The following EML5 variants were observed in gnomAD, a reference collection of about 807,000 sequenced individuals.
EML5 encodes the protein echinoderm microtubule-associated protein-like 5.
Under a neutral mutation model 250.0 loss-of-function variants are expected in EML5, and 120 were observed. The observed-to-expected ratio is 0.48, with a 90% CI of 0.41 to 0.56. The LOEUF (loss-of-function observed/expected upper bound fraction) is 0.56, where lower values mean the gene tolerates loss of function less well. Ranked by LOEUF, EML5 falls within the 20% of genes least tolerant of loss-of-function variation. The pLI is 0.00. For missense variants in EML5, 2,006 were observed against 2,437.6 expected, an observed-to-expected ratio of 0.82 and a Z score of 3.73; for synonymous variants, 771 against 806.5, an observed-to-expected ratio of 0.96 and a Z score of 0.75.
chr14:88,747,527 C>T lies in EML5; in HGVS notation c.358-1244G>A, dbSNP rs1014549527. Among the ~76,000 whole-genome samples the T allele has an allele frequency of 7.2e-5, 11 of 151,872 alleles. No homozygotes were observed. The East Asian group carries it at 9.7e-4, about 13-fold the overall frequency. On this transcript the variant is annotated intron_variant, in intron 2 of 43. Coordinates refer to ENST00000554922, the MANE Select transcript of EML5 (RefSeq NM_183387.3). ...GGCAAGTCACAACAAACAGCAAAGT[C>T]GGCCTTGCAAAAAACATCAGATATG...
chr14:88,689,550 C>T (rs1021625193), intron 17 of EML5, among the ~76,000 whole-genome samples: 1 of 151,978 alleles, frequency 6.6e-6, no homozygotes, highest in African/African-American at 2.4e-5. Context: ...CTCACAAATT[C>T]CTTCCTTCCT....
chr14:88,714,015 T>G (rs1289239474), intron 9 of EML5, among the ~76,000 whole-genome samples: 1 of 151,316 alleles, frequency 6.6e-6, no homozygotes, highest in Non-Finnish European at 1.5e-5. Flanking sequence ...TTTTTGTATT[T>G]TTAGTAAAGG....
chr14:88,699,518 G>T (rs2093160177), intron 14 of EML5, among the ~76,000 whole-genome samples: 1 of 152,030 alleles, frequency 6.6e-6, no homozygotes. Flanking sequence ...CAGCCTACAG[G>T]CTATTAACAC....
rs1055329694 is a variant in EML5 at position 88,615,035 on chromosome 14, C to G, written c.*783G>C. The G allele has an allele frequency of 1.3e-5, 2 of 152,212 alleles. No individual in the cohort carries two copies. Among genetic ancestry groups the G allele is most frequent in the Non-Finnish European group, 2.9e-5 (2 of 68,032 alleles). The allele number at this position is 152,212 out of a possible 1,614,324, so 9.4% of individuals were successfully genotyped here. On this transcript the variant is annotated 3_prime_UTR_variant, in exon 44 of 44. Coordinates refer to ENST00000554922, the MANE Select transcript of EML5 (RefSeq NM_183387.3). ...ATACTGTTGCTCCCTAAAACCCTTA[C>G]ATTGTACACCATTGGGAATGATTGT... is the stretch of plus-strand genomic sequence containing the variant.
At chr14:88,702,149 C>T (rs901939721) in intron 14 of EML5, among the ~76,000 whole-genome samples, 4 of 152,008 alleles carry the variant, frequency 2.6e-5, no homozygotes, top group Non-Finnish European at 5.9e-5. Context: ...GATTTCTAGT[C>T]TTTATGTTTT....
At chr14:88,665,223 A>T in intron 22 of EML5, 114 bp downstream of exon 22, 1 of 1,149,888 alleles carries the variant, frequency 8.7e-7, no homozygotes, top group Non-Finnish European at 1.2e-6. Context: ...TGCCTCTTCT[A>T]GTAAAAAAGT....
chr14:88,679,555 G>A (rs1055765446), intron 21 of EML5, among the ~76,000 whole-genome samples: 1 of 151,998 alleles, frequency 6.6e-6, no homozygotes, highest in East Asian at 1.9e-4. Flanking sequence ...AGCCAGCCGT[G>A]GTGGCGCACG....
At chr14:88,723,370 A>G (rs765707361) in intron 8 of EML5, among the ~76,000 whole-genome samples, 14 of 152,222 alleles carry the variant, frequency 9.2e-5, no homozygotes, top group Admixed American at 3.9e-4. Context: ...CAGATACTGC[A>G]TGATCTTGCT....
chr14:88,685,522 T>C (rs978336178), intron 19 of EML5, among the ~76,000 whole-genome samples: 1 of 152,178 alleles, frequency 6.6e-6, no homozygotes, highest in African/African-American at 2.4e-5. Flanking sequence ...GGGGATTGAT[T>C]CCAGGACAAC....
intron 21 of EML5, among the ~76,000 whole-genome samples, chr14:88,673,342 C>G (rs1038140158): frequency 6.6e-6 from 1 of 152,202 alleles, no homozygotes; most frequent in Non-Finnish European, 1.5e-5. Context: ...AACATCCCAT[C>G]ACGTTAAAAA....
chr14:88,619,065 G>T (rs1023232237), intron 39 of EML5: 1 of 283,122 alleles, frequency 3.5e-6, no homozygotes, highest in Non-Finnish European at 6.4e-6. Context: ...ACGTCTAATG[G>T]CTTAAAAAAA....
In EML5 at chr14:88,706,241, C is replaced by T; in HGVS notation, c.1825+18G>A. The stretch of plus-strand genomic sequence containing the variant: ...ATTATTTGACAGGGAAACTGTTTAG[C>T]TAATGCATACTACTCACCTTGGGGT... On this transcript the variant is annotated intron_variant, in intron 11 of 43. Transcript: ENST00000554922. 1 of 1,559,302 alleles carries T rather than the reference C, an allele frequency of 6.4e-7. No individual in the cohort carries two copies. The highest frequency in any genetic ancestry group is 8.6e-7 in the Non-Finnish European group (1 of 1,159,432).
chr14:88,634,978 A>G (rs1270115858), intron 32 of EML5, among the ~76,000 whole-genome samples: 2 of 152,204 alleles, frequency 1.3e-5, no homozygotes, highest in African/African-American at 4.8e-5. Context: ...GCTGAGAGAC[A>G]TGATGGCAAA....
chr14:88,703,903 T>A (rs925997557), intron 13 of EML5, among the ~76,000 whole-genome samples: 1 of 152,234 alleles, frequency 6.6e-6, no homozygotes, highest in Non-Finnish European at 1.5e-5. Context: ...CCCATTTCCA[T>A]ACATATGAAA....
At chr14:88,649,125 G>T (rs2091499336) in intron 28 of EML5, among the ~76,000 whole-genome samples, 1 of 151,910 alleles carries the variant, frequency 6.6e-6, no homozygotes, top group Non-Finnish European at 1.5e-5. Context: ...AAACTCCCAG[G>T]CTCAAGAGAC....
chr14:88,676,644 T>C (rs999203373), intron 21 of EML5, among the ~76,000 whole-genome samples: 5 of 152,160 alleles, frequency 3.3e-5, no homozygotes, highest in Non-Finnish European at 7.4e-5. Flanking sequence ...TTAGAATTCA[T>C]ATGGAACCAA....
At chr14:88,731,368 C>T (rs1236607834) in intron 7 of EML5, among the ~76,000 whole-genome samples, 1 of 151,930 alleles carries the variant, frequency 6.6e-6, no homozygotes, top group Non-Finnish European at 1.5e-5. Flanking sequence ...GGTTTCCAGT[C>T]TCATCCATGT....
Position 88,616,779 on chromosome 14 carries a change from C to T in EML5, c.5743G>A (p.Gly1915Arg). 6.2e-7 allele frequency: 1 copy of T among 1,613,924 alleles called. No individual in the cohort carries two copies. Among genetic ancestry groups the T allele is most frequent in the East Asian group, 2.2e-5 (1 of 44,868 alleles). ...AACTTAACCATGCCAAAGTCATCTC[C>T]TGTAACAAGACTGATTCCTGAATGA... ...VSHSGISLVT[G>R]DDFGMVKLFD... Residue 1915 changes from glycine (G) to arginine (R), a missense_variant, in exon 42 of 44, where the codon GGA becomes AGA. Physicochemically the swap from Gly to Arg is moderately radical, Grantham distance 125 (BLOSUM62 -2). Transcript: ENST00000554922.
At chr14:88,784,725 A>T (rs189574135) in intron 1 of EML5, among the ~76,000 whole-genome samples, 132 of 152,312 alleles carry the variant, frequency 8.7e-4, no homozygotes, top group Middle Eastern at 6.8e-3. Flanking sequence ...GCAGTAACAA[A>T]TGCTGGAAAG....
Sources: allele counts gnomAD v4.1 joint callset (sites outside exome capture counted in the v4.1 genomes callset), GRCh38; gene constraint gnomAD v4.1.1; transcripts MANE v1.5; gene names NCBI Gene and HGNC (gene_info 2026-07-23, HGNC 2026-07-21).